Variants in DGKH observed in about 807,000 individuals in gnomAD.
DGKH encodes the protein diacylglycerol kinase eta, also known as DAG kinase eta.
In DGKH, 90 loss-of-function variants were observed where a neutral mutation model predicts 159.3. The observed-to-expected ratio is 0.57, with a 90% CI of 0.48 to 0.67. The LOEUF (loss-of-function observed/expected upper bound fraction) is 0.67, where lower values mean the gene tolerates loss of function less well. Ranked by LOEUF, DGKH falls within the 30% of genes least tolerant of loss-of-function variation. The pLI is 0.00. For synonymous variants in DGKH, 536 were observed against 553.8 expected, an observed-to-expected ratio of 0.97 and a Z score of 0.45; for missense variants, 1,181 against 1,506.1, an observed-to-expected ratio of 0.78 and a Z score of 3.57.
chr13:42,099,000 T>C (rs1306654103), intron 1 of DGKH, among the ~76,000 whole-genome samples: 1 of 152,210 alleles, frequency 6.6e-6, no homozygotes, highest in Admixed American at 6.5e-5. Context: ...TTAATTGCAA[T>C]AGAAGGTCAG....
chr13:42,253,348 C>A (rs1442959777), intron 30 of DGKH, among the ~76,000 whole-genome samples: 4 of 152,148 alleles, frequency 2.6e-5, no homozygotes, highest in Non-Finnish European at 1.5e-5. Context: ...CAGAGGCCAT[C>A]CAGGAACCAG....
rs10664909 is a variant in DGKH, at chr13:42,234,145, T to TTTA, written c.*4957_*4958insTTA. ...CCCCAAATAACAGTTTACTTAATTT[T>TTTA]ATAAGATTTTTCCCAATGAGACTTA... On this transcript the variant is annotated 3_prime_UTR_variant, in exon 30 of 30. Transcript: ENST00000337343. The TTTA allele has an allele frequency of 1.3e-5, 2 of 152,028 alleles. No individual in the cohort carries two copies. Among genetic ancestry groups the TTTA allele is most frequent in the Non-Finnish European group, 2.9e-5 (2 of 68,002 alleles). 9.4% of individuals were successfully genotyped at this position (152,028 alleles called of 1,614,324 possible). A position where few individuals can be genotyped will look rare whatever the true frequency, so the allele number is the denominator to read the frequency against.
At chr13:42,106,709 T>C (rs976552790) in intron 1 of DGKH, among the ~76,000 whole-genome samples, 2 of 152,174 alleles carry the variant, frequency 1.3e-5, no homozygotes, top group Non-Finnish European at 2.9e-5. Context: ...CTTCTCCTCA[T>C]ACTGTAATAC....
chr13:42,199,952 T>TA (rs150203768), intron 20 of DGKH, 43 bp downstream of exon 20: 26 of 1,503,690 alleles, frequency 1.7e-5, no homozygotes, highest in Admixed American at 1.1e-4. Flanking sequence ...TTATCTTACT[T>TA]AAAAAAAATA....
upstream of DGKH, among the ~76,000 whole-genome samples, chr13:42,044,565 A>C (rs190148572): frequency 3.3e-5 from 5 of 152,268 alleles, no homozygotes; most frequent in East Asian, 9.7e-4. Flanking sequence ...TTGGGATTAC[A>C]GGAGTGAGCC....
chr13:42,207,120 TCTCTCCTTCC>T (rs1957516196), intron 21 of DGKH, among the ~76,000 whole-genome samples: 1 of 54,558 alleles, frequency 1.8e-5, no homozygotes, highest in Non-Finnish European at 4.6e-5. Flanking sequence ...TTTCTCTTTC[TCTCTCCTTCC>T]TTCCTTCCTT....
At chr13:42,254,631 GAA>G (rs200462395) in intron 30 of DGKH, among the ~76,000 whole-genome samples, 11 of 111,472 alleles carry the variant, frequency 9.9e-5, no homozygotes, top group East Asian at 2.4e-4. Context: ...AGCTCCGTCA[GAA>G]AAAAAAAAAA....
At chr13:42,213,397 TTTAGAATTTAAATTACA>T (rs1175057259) in intron 24 of DGKH, among the ~76,000 whole-genome samples, 1 of 152,212 alleles carries the variant, frequency 6.6e-6, no homozygotes, top group African/African-American at 2.4e-5. Context: ...CATGTTGGGC[TTTAGAATTTAAATTACA>T]TTAAAAATAC....
At chr13:42,110,361 G>T (rs1954840148) in intron 1 of DGKH, among the ~76,000 whole-genome samples, 1 of 152,072 alleles carries the variant, frequency 6.6e-6, no homozygotes, top group South Asian at 2.1e-4. Flanking sequence ...ATGGTGTGAG[G>T]CTCTCTACTT....
At chr13:42,183,852 G>A (rs1208951828) in intron 13 of DGKH, among the ~76,000 whole-genome samples, 1 of 152,112 alleles carries the variant, frequency 6.6e-6, no homozygotes, top group Non-Finnish European at 1.5e-5. Flanking sequence ...CTTTTATTTA[G>A]TCAGTAGTTT....
At chr13:42,070,729 C>T (rs1056440031) in intron 1 of DGKH, 37 of 1,607,418 alleles carry the variant, frequency 2.3e-5, no homozygotes, top group Admixed American at 2.0e-4. Context: ...CAGTAAAGGG[C>T]CCTGCTCCAG....
intron 1 of DGKH, among the ~76,000 whole-genome samples, chr13:42,124,345 T>C (rs1471633653): frequency 1.3e-5 from 2 of 152,212 alleles, no homozygotes; most frequent in African/African-American, 2.4e-5. Context: ...ATCATTTATG[T>C]TTTTCCCCTT....
At chr13:42,243,359 C>T (rs370100356), downstream of DGKH, among the ~76,000 whole-genome samples, 15 of 152,066 alleles carry the variant, frequency 9.9e-5, no homozygotes, top group East Asian at 2.5e-3. Flanking sequence ...TGAGTAGTCT[C>T]GCATCTGGTG....
chr13:42,167,307 C>T lies in DGKH; in HGVS notation c.1118+633C>T, dbSNP rs149897257. ...ATATTATGTCTTCTGAACCAGGGGC[C>T]TTCAAACCTCTATGTAACATACTTA... is the stretch of plus-strand genomic sequence containing the variant. On this transcript the variant is annotated intron_variant, in intron 9 of 29. Coordinates refer to ENST00000337343, the MANE Select transcript of DGKH (RefSeq NM_178009.5). Among the ~76,000 whole-genome samples the T allele has an allele frequency of 3.9e-3, 601 of 152,268 alleles. 2 individuals carry two copies. The highest frequency in any genetic ancestry group is 6.5e-3 in the Non-Finnish European group (441 of 68,016).
chr13:42,048,060 G>A (rs1425174378), upstream of DGKH, among the ~76,000 whole-genome samples: 1 of 150,106 alleles, frequency 6.7e-6, no homozygotes, highest in Non-Finnish European at 1.5e-5. This position sits in a 1 kb window ranked among gnomAD's most constrained non-coding sequence, Gnocchi z 6.7. Context: ...CCGCCGTCAG[G>A]AGAGCTGAGG....
chr13:42,247,773 T>C (rs533727121), downstream of DGKH, among the ~76,000 whole-genome samples: 1 of 152,288 alleles, frequency 6.6e-6, no homozygotes, highest in South Asian at 2.1e-4. Flanking sequence ...TTAGGTTTTT[T>C]TTAAAAAAGT....
intron 1 of DGKH, among the ~76,000 whole-genome samples, chr13:42,091,312 A>G (rs898219243): frequency 6.6e-6 from 1 of 152,182 alleles, no homozygotes; most frequent in Non-Finnish European, 1.5e-5. Flanking sequence ...AAATAAATAA[A>G]TTGAACCACA....
intron 20 of DGKH, among the ~76,000 whole-genome samples, chr13:42,204,636 A>T (rs1425563068): frequency 1.3e-5 from 2 of 152,168 alleles, no homozygotes; most frequent in Admixed American, 1.3e-4. Context: ...ATCCTCACTA[A>T]GCTCTTATTC....
chr13:42,071,928 A>G (rs1365574089), intron 1 of DGKH, among the ~76,000 whole-genome samples: 2 of 152,212 alleles, frequency 1.3e-5, no homozygotes, highest in Non-Finnish European at 1.5e-5. Flanking sequence ...AGACATTCTT[A>G]GAGACAGAAG....
Sources: gnomAD v4.1 joint callset for allele counts (sites outside exome capture counted in the v4.1 genomes callset) on GRCh38, gnomAD v4.1.1 for gene constraint, Gnocchi (gnomAD v3.1) non-coding constraint, MANE v1.5 for transcripts, NCBI Gene and HGNC (gene_info 2026-07-23, HGNC 2026-07-21) for gene names.